C1orf226: variants seen among roughly 807,000 people sequenced by gnomAD.
C1orf226 encodes the protein chromosome 1 open reading frame 226.
A neutral mutation model predicts 10.5 loss-of-function variants in C1orf226; 4 were observed. The ratio of observed to expected loss-of-function variants is 0.38; its 90% CI spans 0.19 to 0.87. The LOEUF (loss-of-function observed/expected upper bound fraction) is 0.87. Ranked by LOEUF, C1orf226 falls within the 40% of genes least tolerant of loss-of-function variation. The pLI is 0.41. For missense variants in C1orf226, 313 were observed against 336.2 expected, an observed-to-expected ratio of 0.93 and a Z score of 0.54; for synonymous variants, 125 against 139.3, an observed-to-expected ratio of 0.90 and a Z score of 0.72.
upstream of C1orf226, chr1:162,379,097 G>A: frequency 4.7e-6 from 5 of 1,057,596 alleles, no homozygotes; most frequent in Non-Finnish European, 7.0e-6. Flanking sequence ...TTGGGTGTGT[G>A]CATGTTGGGG....
chr1:162,381,221 C>A (rs116505348), upstream of C1orf226, among the ~76,000 whole-genome samples: 196 of 152,280 alleles, frequency 1.3e-3, 1 homozygote, highest in African/African-American at 4.3e-3. Context: ...TACCACCTCC[C>A]TAGGTGGTTG....
Position 162,382,144 on chromosome 1 carries a change from G to A in C1orf226, c.243G>A (p.Glu81=), listed in dbSNP as rs74128271. The change falls in exon 1 of 2, where the codon GAG becomes GAA. Residue 81 remains glutamate (E), a synonymous_variant. Transcript: ENST00000458626. ...PSSLGSVGVT[E]INKTAGAQLA... is the part of the protein sequence containing the mutation. ...GCCTGGGCAGTGTGGGTGTGACAGA[G>A]ATCAACAAGACTGCAGGAGCACAGC... 1.1e-5 allele frequency: 18 copies of A among 1,589,912 alleles called. No individual in the cohort carries two copies. In the African/African-American group the frequency reaches 2.3e-4, roughly 20 times the overall value.
Position 162,382,218 on chromosome 1 carries a change from G to T in C1orf226, c.317G>T (p.Arg106Met). Residue 106 changes from arginine (R) to methionine (M), a missense_variant and splice_region_variant, in exon 1 of 2, where the codon AGG (arginine) becomes ATG (methionine). Arg to Met is a moderately conservative substitution (Grantham distance 91). Transcript: ENST00000458626. Reference protein sequence around the residue: ...AAPEAWLEDERSVLQETFPRL... With the variant: ...AAPEAWLEDEMSVLQETFPRL... ...CCAGAGGCTTGGCTAGAGGATGAAA[G>T]GTGAGCCCCTCACCCGCCCAACATC... 1 of 1,562,342 alleles carries T rather than the reference G, an allele frequency of 6.4e-7. No homozygotes were observed. Among genetic ancestry groups the T allele is most frequent in the Non-Finnish European group, 8.7e-7 (1 of 1,155,636 alleles).
In C1orf226 at chr1:162,385,488, C is replaced by G. The variant is rs1242212783; in HGVS notation, c.*1805C>G. ...GCCAGGTTTCACCACGTGCTCACCA[C>G]AAACTGTCTCCCCTCCCTCGTAGGA... On this transcript the variant is annotated 3_prime_UTR_variant, in exon 2 of 2. Transcript: ENST00000458626. 1.3e-5 allele frequency: 2 copies of G among 152,376 alleles called. No individual in the cohort carries two copies. Among genetic ancestry groups the G allele is most frequent in the Non-Finnish European group, 2.9e-5 (2 of 68,152 alleles). 9.4% of individuals were successfully genotyped at this position (152,376 alleles called of 1,614,324 possible).
In C1orf226 at chr1:162,381,740, T is replaced by G. The variant is rs1647914473; in HGVS notation, c.-162T>G. 2 of 1,457,644 alleles carry G rather than the reference T, an allele frequency of 1.4e-6. No homozygotes were observed. The highest frequency in any genetic ancestry group is 3.0e-5 in the Admixed American group (1 of 33,680). 90.3% of individuals were successfully genotyped at this position (1,457,644 alleles called of 1,614,324 possible). A position where few individuals can be genotyped will look rare whatever the true frequency, so the allele number is the denominator to read the frequency against. On this transcript the variant is annotated 5_prime_UTR_variant, in exon 1 of 2. Coordinates refer to ENST00000458626, the MANE Select transcript of C1orf226 (RefSeq NM_001085375.2). Reference sequence around the variant, plus strand: ...CATCAAGAAAACTACACTGGAAAGTTCAAGAGTGTCTTTGCTGGCTCTTTC... The same window carrying G: ...CATCAAGAAAACTACACTGGAAAGTGCAAGAGTGTCTTTGCTGGCTCTTTC...
chr1:162,381,733 G>A lies in C1orf226; in HGVS notation c.-169G>A. On this transcript the variant is annotated 5_prime_UTR_variant, in exon 1 of 2. Transcript: ENST00000458626. The stretch of plus-strand genomic sequence containing the variant: ...CCTGTCCCATCAAGAAAACTACACT[G>A]GAAAGTTCAAGAGTGTCTTTGCTGG... 1 of 1,442,592 alleles carries A rather than the reference G, an allele frequency of 6.9e-7. No individual in the cohort carries two copies. The highest frequency in any genetic ancestry group is 2.6e-5 in the East Asian group (1 of 38,646). The allele number at this position is 1,442,592 out of a possible 1,614,324, so 89.4% of individuals were successfully genotyped here. A position where few individuals can be genotyped will look rare whatever the true frequency, so the allele number is the denominator to read the frequency against.
chr1:162,383,183 T>C lies in C1orf226; in HGVS notation c.319T>C (p.Ser107Pro), dbSNP rs1168181937. The part of the protein sequence containing the change: ...APEAWLEDER[S>P]VLQETFPRLD... ...TGTTTATTGTCATTAACCTTACAGG[T>C]CAGTCCTGCAAGAAACATTTCCTCG... Residue 107 changes from serine to proline, a missense_variant and splice_region_variant, in exon 2 of 2, where the codon TCA becomes CCA. Coordinates refer to ENST00000458626, the MANE Select transcript of C1orf226 (RefSeq NM_001085375.2). The C allele has an allele frequency of 4.4e-6, 7 of 1,574,616 alleles. No individual in the cohort carries two copies. Among genetic ancestry groups the C allele is most frequent in the Non-Finnish European group, 6.0e-6 (7 of 1,160,432 alleles).
At chr1:162,381,712 T>C, upstream of C1orf226, 2 of 1,424,182 alleles carry the variant, frequency 1.4e-6, no homozygotes, top group Non-Finnish European at 1.8e-6. Context: ...CTAGTTCCTG[T>C]CCCATCAAGA....
Position 162,383,269 on chromosome 1 carries a change from G to A in C1orf226, c.405G>A (p.Gln135=). The A allele has an allele frequency of 1.2e-6, 2 of 1,613,918 alleles. No individual in the cohort carries two copies. Among genetic ancestry groups the A allele is most frequent in the Non-Finnish European group, 1.7e-6 (2 of 1,179,850 alleles). ...KRTPRALKTT[Q]DMLISSQPVL... is the part of the protein sequence containing the mutation. ...CCCCTCGGGCCCTGAAGACCACCCA[G>A]GACATGCTGATTTCATCACAGCCTG... is the stretch of plus-strand genomic sequence containing the variant. Residue 135 remains glutamine (Q), a synonymous_variant, in exon 2 of 2, where the codon CAG becomes CAA. Coordinates refer to ENST00000458626, the MANE Select transcript of C1orf226 (RefSeq NM_001085375.2).
rs368799518 is a variant in C1orf226, at chr1:162,383,694, C to G, written c.*11C>G. The G allele has an allele frequency of 1.3e-6, 2 of 1,580,270 alleles. No individual in the cohort carries two copies. The highest frequency in any genetic ancestry group is 2.2e-5 in the East Asian group (1 of 44,596). Reference sequence around the variant, plus strand: ...CTGTCCTTTGAATAGAGCCTCTGCTCTTTCCTGCTGAGCTCTGCCCTTGTC... The same window carrying G: ...CTGTCCTTTGAATAGAGCCTCTGCTGTTTCCTGCTGAGCTCTGCCCTTGTC... On this transcript the variant is annotated 3_prime_UTR_variant, in exon 2 of 2. Coordinates refer to ENST00000458626, the MANE Select transcript of C1orf226 (RefSeq NM_001085375.2).
At chr1:162,382,566 C>T (rs150819654) in intron 1 of C1orf226, among the ~76,000 whole-genome samples, 188 of 152,326 alleles carry the variant, frequency 1.2e-3, no homozygotes, top group African/African-American at 4.4e-3. Flanking sequence ...CTGCAGATAA[C>T]TCACGTTCAG....
upstream of C1orf226, chr1:162,379,090 G>C (rs765877026): frequency 8.6e-7 from 1 of 1,162,216 alleles, no homozygotes; most frequent in Non-Finnish European, 1.2e-6. Flanking sequence ...CCTCTGCTTG[G>C]GTGTGTGCAT....
chr1:162,383,159 G>A, intron 1 of C1orf226, 23 bp from the exon 2 acceptor site: 1 of 1,535,948 alleles, frequency 6.5e-7, no homozygotes. Context: ...AGGCATGTGT[G>A]TTTATTGTCA....
In C1orf226 at chr1:162,383,259, A is replaced by C. The variant is rs1210894927; in HGVS notation, c.395A>C (p.Lys132Thr). The C allele has an allele frequency of 1.9e-6, 3 of 1,613,716 alleles. No individual in the cohort carries two copies. The African/African-American group carries it at 4.0e-5, about 22-fold the overall frequency. Reference protein sequence around the residue: ...ITRKRTPRALKTTQDMLISSQ... With the variant: ...ITRKRTPRALTTTQDMLISSQ... ...AGAAAGCGAACCCCTCGGGCCCTGAAGACCACCCAGGACATGCTGATTTCA... is the reference window on the plus strand; with the variant it reads ...AGAAAGCGAACCCCTCGGGCCCTGACGACCACCCAGGACATGCTGATTTCA... The change falls in exon 2 of 2, where the codon AAG becomes ACG. Residue 132 changes from lysine to threonine, a missense_variant. Transcript: ENST00000458626.
intron 1 of C1orf226, among the ~76,000 whole-genome samples, chr1:162,382,463 C>T (rs1018039404): frequency 2.0e-5 from 3 of 152,226 alleles, no homozygotes; most frequent in African/African-American, 7.2e-5. Context: ...TTGCTGAGTG[C>T]ACACCATGTC....
Position 162,383,541 on chromosome 1 carries a change from T to G in C1orf226, c.677T>G (p.Leu226Arg). The G allele has an allele frequency of 6.2e-7, 1 of 1,606,396 alleles. No individual in the cohort carries two copies. Among genetic ancestry groups the G allele is most frequent in the East Asian group, 2.2e-5 (1 of 44,744 alleles). Residue 226 changes from leucine (L) to arginine (R), a missense_variant, in exon 2 of 2, where the codon CTT becomes CGT. Coordinates refer to ENST00000458626, the MANE Select transcript of C1orf226 (RefSeq NM_001085375.2). The stretch of plus-strand genomic sequence containing the variant: ...TGCAGAAGGGCCTCCTCCCCCAGCC[T>G]TATCGAGAGGAATGGCTTCAAACTC... ...TECRRASSPSLIERNGFKLSL... is the reference protein window; with the variant it reads ...TECRRASSPSRIERNGFKLSL...
chr1:162,381,728 A>G lies in C1orf226; in HGVS notation c.-174A>G, dbSNP rs1647913089. 1.4e-6 allele frequency: 2 copies of G among 1,439,522 alleles called. No individual in the cohort carries two copies. The highest frequency in any genetic ancestry group is 1.7e-5 in the South Asian group (1 of 60,582). 89.2% of individuals were successfully genotyped at this position (1,439,522 alleles called of 1,614,324 possible). On this transcript the variant is annotated 5_prime_UTR_variant, in exon 1 of 2. Coordinates refer to ENST00000458626, the MANE Select transcript of C1orf226 (RefSeq NM_001085375.2). ...TAGTTCCTGTCCCATCAAGAAAACT[A>G]CACTGGAAAGTTCAAGAGTGTCTTT...
chr1:162,386,754 T>A lies in C1orf226; in HGVS notation c.*3071T>A, dbSNP rs536342628. The A allele has an allele frequency of 6.6e-6, 1 of 152,336 alleles. No individual in the cohort carries two copies. Among genetic ancestry groups the A allele is most frequent in the African/African-American group, 2.4e-5 (1 of 41,572 alleles). The allele number at this position is 152,336 out of a possible 1,614,324, so 9.4% of individuals were successfully genotyped here. On this transcript the variant is annotated 3_prime_UTR_variant, in exon 2 of 2. Coordinates refer to ENST00000458626, the MANE Select transcript of C1orf226 (RefSeq NM_001085375.2). ...TGAGTATTTTTTAGAGAGTTAATAT[T>A]TATATTTTTAGTAATTTTCTGGTAG...
Position 162,383,196 on chromosome 1 carries a change from A to C in C1orf226, c.332A>C (p.Glu111Ala). Residue 111 changes from glutamate to alanine, a missense_variant, in exon 2 of 2, where the codon GAA (glutamate) becomes GCA (alanine). Glu to Ala is a moderately radical substitution (Grantham distance 107, BLOSUM62 -1). Transcript: ENST00000458626. ...TAACCTTACAGGTCAGTCCTGCAAG[A>C]AACATTTCCTCGGCTGGATCCTCCA... ...WLEDERSVLQ[E>A]TFPRLDPPPP... The C allele has an allele frequency of 6.3e-7, 1 of 1,592,214 alleles. No individual in the cohort carries two copies.
Sources: gnomAD v4.1 joint callset for allele counts (sites outside exome capture counted in the v4.1 genomes callset) on GRCh38, gnomAD v4.1.1 for gene constraint, MANE v1.5 for transcripts, NCBI Gene and HGNC (gene_info 2026-07-23, HGNC 2026-07-21) for gene names.